IL1RL2: variants seen among roughly 807,000 people sequenced by gnomAD.
The protein encoded by IL1RL2 is interleukin 1 receptor like 2.
A neutral mutation model predicts 66.8 loss-of-function variants in IL1RL2; 68 were observed. That is an observed-to-expected ratio of 1.02 (90% CI 0.84 to 1.25). IL1RL2 has a LOEUF of 1.25. Among genes scored for constraint, IL1RL2 ranks in the 50% most tolerant of loss-of-function variants. The probability of loss-of-function intolerance (pLI) is 0.00; values close to 1 mark genes in which losing one functional copy is unlikely to be tolerated. For synonymous variants in IL1RL2, 305 were observed against 264.6 expected (o/e 1.15, Z -1.48); for missense variants, 729 against 709.3 (o/e 1.03, Z -0.32).
chr2:102,239,279 T>C lies in IL1RL2; in HGVS notation c.*38T>C. The C allele has an allele frequency of 6.3e-7, 1 of 1,596,690 alleles. No homozygotes were observed. The highest frequency in any genetic ancestry group is 8.6e-7 in the Non-Finnish European group (1 of 1,164,126). On this transcript the variant is annotated 3_prime_UTR_variant, in exon 12 of 12. Transcript: ENST00000264257. ...TGACACCTATGGCTGGAAGATGACT[T>C]GTTTTGCTCCATGTCTCCTCATTCC...
At chr2:102,237,524 G>A (rs1024031576) in intron 11 of IL1RL2, among the ~76,000 whole-genome samples, 9 of 152,194 alleles carry the variant, frequency 5.9e-5, no homozygotes, top group South Asian at 2.1e-4. Flanking sequence ...GACAGAGTGC[G>A]GAACAGATCA....
Position 102,225,935 on chromosome 2 carries a change from C to CAA in IL1RL2, c.1029_1030insAA (p.Ala344LysfsTer35), listed in dbSNP as rs775520977. 6.2e-7 allele frequency: 1 copy of CAA among 1,604,476 alleles called. No individual in the cohort carries two copies. The highest frequency in any genetic ancestry group is 2.3e-5 in the East Asian group (1 of 44,416). The stretch of plus-strand genomic sequence containing the variant: ...GAGCTTACTTGATAGGAGGGCTTAT[C>CAA]GCCTTGGTGGCTGTGGCTGTGTCTG... On this transcript the variant is annotated frameshift_variant, in exon 9 of 12. Transcript: ENST00000264257. LOFTEE classifies it high-confidence loss of function.
rs1237330589 is a variant in IL1RL2 at position 102,234,437 on chromosome 2, TA to T, written c.1298-452del. ...GCTTCACAGAAGAGGTGACAAATATTAAAAAAAAGAAAAAACCCAAAACTTG... is the reference window on the plus strand; with the variant it reads ...GCTTCACAGAAGAGGTGACAAATATTAAAAAAAGAAAAAACCCAAAACTTG... On this transcript the variant is annotated intron_variant, in intron 10 of 11. Coordinates refer to ENST00000264257, the MANE Select transcript of IL1RL2 (RefSeq NM_003854.4). Among the ~76,000 whole-genome samples the T allele has an allele frequency of 5.2e-5, 7 of 135,566 alleles. No homozygotes were observed. In the East Asian group the frequency reaches 1.1e-3, roughly 20 times the overall value. The allele number at this position is 135,566 out of a possible 152,430, so 88.9% of individuals were successfully genotyped here.
At chr2:102,190,933 C>G (rs1687176074) in intron 3 of IL1RL2, among the ~76,000 whole-genome samples, 1 of 152,166 alleles carries the variant, frequency 6.6e-6, no homozygotes, top group Non-Finnish European at 1.5e-5. Flanking sequence ...TACTAACATC[C>G]AGATAGGATA....
Position 102,235,162 on chromosome 2 carries a change from A to G in IL1RL2, c.1563A>G (p.Ser521=), listed in dbSNP as rs1040438539. 7 of 1,614,116 alleles carry G rather than the reference A, an allele frequency of 4.3e-6. No individual in the cohort carries two copies. The highest frequency in any genetic ancestry group is 4.0e-5 in the African/African-American group (3 of 74,940). Residue 521 remains serine (S), a synonymous_variant, in exon 11 of 12, where the codon TCA becomes TCG. Coordinates refer to ENST00000264257, the MANE Select transcript of IL1RL2 (RefSeq NM_003854.4). The part of the protein sequence containing the change: ...IRWHGDFTEQ[S]QCMKTKFWKT... ...GGCATGGGGACTTCACGGAGCAGTC[A>G]CAGTGTATGAAGACCAAGTTTTGGA...
At chr2:102,212,276 T>G in intron 6 of IL1RL2, 102 bp downstream of exon 6, 1 of 818,178 alleles carries the variant, frequency 1.2e-6, no homozygotes. Context: ...AGATAAATCC[T>G]ATACACACCC....
rs561679841 is a variant in IL1RL2, at chr2:102,202,941, C to T, written c.649+1226C>T. Among the ~76,000 whole-genome samples the T allele has an allele frequency of 7.2e-5, 11 of 152,262 alleles. No individual in the cohort carries two copies. The South Asian group carries it at 1.9e-3, about 26-fold the overall frequency. On this transcript the variant is annotated intron_variant, in intron 5 of 11. Transcript: ENST00000264257. The stretch of plus-strand genomic sequence containing the variant: ...GTTGAATAACAGTGTTGACAGTGGG[C>T]ATCCTCCTCGTGTTCCAGAACTTAG...
chr2:102,209,156 A>G (rs1688946842), intron 5 of IL1RL2, among the ~76,000 whole-genome samples: 1 of 152,254 alleles, frequency 6.6e-6, no homozygotes, highest in South Asian at 2.1e-4. Flanking sequence ...ATGTTCAATA[A>G]ACATTTATTT....
In IL1RL2 at chr2:102,188,109, T is replaced by C. The variant is rs570768832; in HGVS notation, c.58+184T>C. ...CTCCACGTGCTCGGATGCTCAGCCC[T>C]GAATGTCGCCTTTGAGCTTGGAGGT... On this transcript the variant is annotated intron_variant, in intron 2 of 11. Coordinates refer to ENST00000264257, the MANE Select transcript of IL1RL2 (RefSeq NM_003854.4). 9.8e-5 allele frequency among the ~76,000 whole-genome samples: 15 copies of C among 152,304 alleles called. No individual in the cohort carries two copies. In the South Asian group the frequency reaches 1.0e-3, roughly 11 times the overall value.
intron 9 of IL1RL2, among the ~76,000 whole-genome samples, chr2:102,227,378 CAT>C (rs529899405): frequency 7.9e-4 from 121 of 152,318 alleles, no homozygotes; most frequent in Admixed American, 1.5e-3. Flanking sequence ...TTGTTGCCCA[CAT>C]GTTTGATAAA....
intron 6 of IL1RL2, among the ~76,000 whole-genome samples, chr2:102,218,290 T>TA (rs1267756277): frequency 2.0e-5 from 3 of 152,172 alleles, no homozygotes; most frequent in Non-Finnish European, 4.4e-5. Flanking sequence ...AATCATTTTT[T>TA]AAAAAAATAT....
chr2:102,222,786 G>T (rs112328857), intron 8 of IL1RL2, among the ~76,000 whole-genome samples: 102 of 152,258 alleles, frequency 6.7e-4, no homozygotes, highest in African/African-American at 2.3e-3. Flanking sequence ...CCTCGCTTAG[G>T]CCAGAGACAG....
intron 7 of IL1RL2, among the ~76,000 whole-genome samples, chr2:102,219,456 G>T (rs1689904009): frequency 6.6e-6 from 1 of 152,170 alleles, no homozygotes; most frequent in African/African-American, 2.4e-5. Context: ...AGCGCCAATG[G>T]GGACTCTTAG....
intron 4 of IL1RL2, among the ~76,000 whole-genome samples, chr2:102,199,213 G>A (rs1211398183): frequency 1.3e-5 from 2 of 152,158 alleles, no homozygotes; most frequent in Non-Finnish European, 2.9e-5. Context: ...AATCTAAATG[G>A]TCTTTAGCAT....
chr2:102,229,504 CT>C (rs1216099148), intron 9 of IL1RL2, among the ~76,000 whole-genome samples: 6 of 152,164 alleles, frequency 3.9e-5, no homozygotes, highest in Non-Finnish European at 7.3e-5. Flanking sequence ...TCTTGCTGGT[CT>C]CAGCTTCCTT....
At position 102,235,092 on chromosome 2, in the gene IL1RL2, C is replaced by T. The variant is rs866526975; in HGVS notation, c.1493C>T (p.Pro498Leu). 2 of 1,614,188 alleles carry T rather than the reference C, an allele frequency of 1.2e-6. No homozygotes were observed. Among genetic ancestry groups the T allele is most frequent in the Non-Finnish European group, 1.7e-6 (2 of 1,180,044 alleles). The change falls in exon 11 of 12, where the codon CCA becomes CTA. Residue 498 changes from proline to leucine, a missense_variant. Coordinates refer to ENST00000264257, the MANE Select transcript of IL1RL2 (RefSeq NM_003854.4). ...AAAATCGAGGACTACACAGTCATGC[C>T]AGAGTCAATTCAGTACATCAAACAG... ...LEKIEDYTVM[P>L]ESIQYIKQKH...
rs1559530311 is a variant in IL1RL2 at position 102,195,631 on chromosome 2, C to CTTTCTT, written c.489+3512_489+3513insTTCTTT. Among the ~76,000 whole-genome samples the CTTTCTT allele has an allele frequency of 9.5e-3, 231 of 24,434 alleles. 10 individuals carry two copies. The highest frequency in any genetic ancestry group is 0.022 in the African/African-American group (224 of 10,356). 16.0% of individuals were successfully genotyped at this position (24,434 alleles called of 152,430 possible). On this transcript the variant is annotated intron_variant, in intron 4 of 11. Transcript: ENST00000264257. ...TTTCTTTCTTTCTTTCTTTCTTTCT[C>CTTTCTT]TCTCTCTCTCTCTCTCTTTCTTTCT... is the stretch of plus-strand genomic sequence containing the variant.
chr2:102,231,697 T>G (rs1691152263), intron 9 of IL1RL2, among the ~76,000 whole-genome samples: 1 of 152,182 alleles, frequency 6.6e-6, no homozygotes, highest in East Asian at 1.9e-4. Context: ...CAGTGAGGTC[T>G]TGTTCATCTC....
At chr2:102,238,372 C>T (rs868136722) in intron 11 of IL1RL2, among the ~76,000 whole-genome samples, 12 of 152,188 alleles carry the variant, frequency 7.9e-5, no homozygotes, top group East Asian at 1.9e-4. Context: ...GGTCTTTCCC[C>T]GGAGGACCAA....
Sources: gnomAD v4.1 joint callset for allele counts (sites outside exome capture counted in the v4.1 genomes callset) on GRCh38, gnomAD v4.1.1 for gene constraint, MANE v1.5 for transcripts, NCBI Gene and HGNC (gene_info 2026-07-23, HGNC 2026-07-21) for gene names.